MDGA2: variants seen among roughly 807,000 people sequenced by gnomAD.
MDGA2 encodes MAM domain containing glycosylphosphatidylinositol anchor 2.
MDGA2 carries 40 observed loss-of-function variants against 117.8 expected under a neutral mutation model. The observed-to-expected ratio is 0.34, with a 90% CI of 0.26 to 0.44. MDGA2 has a LOEUF of 0.44. Among genes scored for constraint, MDGA2 ranks in the 20% least tolerant of loss-of-function variants. MDGA2 has a pLI of 1.00. For synonymous variants in MDGA2, 452 were observed against 439.0 expected (o/e 1.03, Z -0.37); for missense variants, 1,123 against 1,250.6 (o/e 0.90, Z 1.54).
intron 1 of MDGA2, among the ~76,000 whole-genome samples, chr14:47,398,181 C>G (rs1050053312): frequency 6.6e-6 from 1 of 152,146 alleles, no homozygotes; most frequent in Non-Finnish European, 1.5e-5. Flanking sequence ...CTTCAATTAA[C>G]TGCCTGAGCC....
intron 8 of MDGA2, among the ~76,000 whole-genome samples, chr14:46,976,650 T>A (rs927955660): frequency 5.3e-5 from 8 of 152,016 alleles, no homozygotes; most frequent in African/African-American, 1.9e-4. Context: ...CATATAACGT[T>A]ATTAATTTGA....
intron 1 of MDGA2, among the ~76,000 whole-genome samples, chr14:47,488,745 A>ATG (rs1266354552): frequency 1.3e-5 from 2 of 152,084 alleles, no homozygotes; most frequent in Non-Finnish European, 2.9e-5. Context: ...TATTGAGAGT[A>ATG]TGTAATAAAT....
intron 2 of MDGA2, among the ~76,000 whole-genome samples, chr14:47,254,078 G>C (rs1038250529): frequency 6.6e-6 from 1 of 152,134 alleles, no homozygotes; most frequent in African/African-American, 2.4e-5. Flanking sequence ...AGAGCAGGGG[G>C]GCCCTGGGCC....
At chr14:47,422,923 A>G (rs548460617) in intron 1 of MDGA2, among the ~76,000 whole-genome samples, 9 of 148,402 alleles carry the variant, frequency 6.1e-5, no homozygotes, top group Admixed American at 5.9e-4. Flanking sequence ...ATGATAGATG[A>G]TAGATAGATA....
intron 1 of MDGA2, among the ~76,000 whole-genome samples, chr14:47,637,212 C>T (rs1048460498): frequency 1.3e-5 from 2 of 152,028 alleles, no homozygotes; most frequent in African/African-American, 4.8e-5. Flanking sequence ...ATGAGTTGAC[C>T]AAGATCACCC....
chr14:47,044,463 T>A (rs1889186447), intron 7 of MDGA2, among the ~76,000 whole-genome samples: 1 of 152,148 alleles, frequency 6.6e-6, no homozygotes, highest in Non-Finnish European at 1.5e-5. Flanking sequence ...AGAATGTCCA[T>A]GTGGATCTAT....
chr14:47,146,444 G>C lies in MDGA2; in HGVS notation c.596-2170C>G, dbSNP rs1594667927. 2.6e-5 allele frequency among the ~76,000 whole-genome samples: 4 copies of C among 152,154 alleles called. No homozygotes were observed. The Middle Eastern group carries it at 0.014, about 518-fold the overall frequency. On this transcript the variant is annotated intron_variant, in intron 3 of 16. Transcript: ENST00000399232. ...GCTGTGCAGCGATATATGCTGTCTGGTTTTATTAAGTTCGGATATTTAGGG... is the reference window on the plus strand; with the variant it reads ...GCTGTGCAGCGATATATGCTGTCTGCTTTTATTAAGTTCGGATATTTAGGG...
At chr14:47,561,150 T>TTTTTTGG (rs1895795898) in intron 1 of MDGA2, among the ~76,000 whole-genome samples, 1 of 43,242 alleles carries the variant, frequency 2.3e-5, no homozygotes, top group Non-Finnish European at 5.4e-5. Flanking sequence ...TGTTTTTTTT[T>TTTTTTGG]TTGTTTTGTT....
chr14:47,195,894 T>A (rs1049432869), intron 3 of MDGA2, among the ~76,000 whole-genome samples: 21 of 151,962 alleles, frequency 1.4e-4, no homozygotes, highest in African/African-American at 5.1e-4. Flanking sequence ...AAAGAGAAAA[T>A]GCAGCAAATT....
rs11390991 is a variant in MDGA2, at chr14:47,158,483, C to CTT, written c.596-14211_596-14210dup. ...ACACTTTTTTGATACTTATAGCAGC[C>CTT]TTTTTTTTTTTTTCTGAGATGGAGT... On this transcript the variant is annotated intron_variant, in intron 3 of 16. Coordinates refer to ENST00000399232, the MANE Select transcript of MDGA2 (RefSeq NM_001113498.3). Among the ~76,000 whole-genome samples the CTT allele has an allele frequency of 3.6e-3, 511 of 141,042 alleles. 6 individuals are homozygous for CTT. Among genetic ancestry groups the CTT allele is most frequent in the African/African-American group, 0.01 (389 of 38,196 alleles). 92.5% of individuals were successfully genotyped at this position (141,042 alleles called of 152,430 possible).
intron 1 of MDGA2, among the ~76,000 whole-genome samples, chr14:47,503,608 G>A (rs1442788883): frequency 6.6e-6 from 1 of 152,012 alleles, no homozygotes; most frequent in African/African-American, 2.4e-5. Context: ...GTTTCACCGT[G>A]TTAGCCAGGA....
At chr14:47,016,887 C>A (rs574788239) in intron 8 of MDGA2, among the ~76,000 whole-genome samples, 1 of 151,974 alleles carries the variant, frequency 6.6e-6, no homozygotes, top group Non-Finnish European at 1.5e-5. Context: ...CTGCAAAAGC[C>A]TCTAAAACAT....
At chr14:46,993,543 C>T (rs1039186854) in intron 8 of MDGA2, among the ~76,000 whole-genome samples, 1 of 151,576 alleles carries the variant, frequency 6.6e-6, no homozygotes, top group Non-Finnish European at 1.5e-5. Context: ...TTCACTACAA[C>T]CTATGCCTCC....
intron 10 of MDGA2, among the ~76,000 whole-genome samples, chr14:46,896,126 T>C (rs1883066768): frequency 6.6e-6 from 1 of 152,200 alleles, no homozygotes; most frequent in African/African-American, 2.4e-5. Context: ...TTTAGCTTGA[T>C]GTCTCTTAAA....
In MDGA2 at chr14:47,035,173, C is replaced by T. The variant is rs1390783230; in HGVS notation, c.1657G>A (p.Val553Ile). The change falls in exon 8 of 17, where the codon GTT becomes ATT. Residue 553 changes from valine (V) to isoleucine (I), a missense_variant. Physicochemically the swap from Val to Ile is conservative, Grantham distance 29 (BLOSUM62 3). This residue lies in a region of MDGA2 where 890 missense variants were observed against 1,050.3 expected (regional missense o/e 0.85). Transcript: ENST00000399232. ...IILWSRADKE[V>I]AMPDGSMQME... is the part of the protein sequence containing the mutation. ...TGCATTGATCCATCAGGCATTGCAA[C>T]TTCTTTATCCGCTCTAGACCAAAGG... 3 of 1,614,150 alleles carry T rather than the reference C, an allele frequency of 1.9e-6. No homozygotes were observed. Among genetic ancestry groups the T allele is most frequent in the African/African-American group, 1.3e-5 (1 of 75,040 alleles).
At chr14:47,186,969 G>A (rs1435964678) in intron 3 of MDGA2, among the ~76,000 whole-genome samples, 2 of 151,874 alleles carry the variant, frequency 1.3e-5, no homozygotes, top group East Asian at 1.9e-4. Flanking sequence ...TTTCTACAAT[G>A]AGCCTGGGCC....
intron 1 of MDGA2, among the ~76,000 whole-genome samples, chr14:47,588,380 T>C (rs1594931770): frequency 1.3e-5 from 2 of 151,526 alleles, no homozygotes; most frequent in Admixed American, 6.6e-5. Flanking sequence ...CTACCAACAA[T>C]GTATGAGGGT....
At chr14:47,513,701 A>G (rs932812954) in intron 1 of MDGA2, among the ~76,000 whole-genome samples, 1 of 152,100 alleles carries the variant, frequency 6.6e-6, no homozygotes, top group Non-Finnish European at 1.5e-5. Flanking sequence ...ATAGCTGGAG[A>G]GTGAAATTTA....
intron 8 of MDGA2, among the ~76,000 whole-genome samples, chr14:46,971,256 C>T (rs1054727318): frequency 6.6e-6 from 1 of 152,034 alleles, no homozygotes; most frequent in African/African-American, 2.4e-5. Context: ...GGATACGTAC[C>T]TGAATTTGCA....
Sources: allele counts gnomAD v4.1 joint callset (sites outside exome capture counted in the v4.1 genomes callset), GRCh38; gene constraint gnomAD v4.1.1; regional missense constraint gnomAD v4.1.1; transcripts MANE v1.5; gene names NCBI Gene and HGNC (gene_info 2026-07-23, HGNC 2026-07-21).